Variants in ATP8A2 observed in about 807,000 individuals in gnomAD.
ATP8A2 encodes the protein phospholipid-transporting ATPase IB.
Under a neutral mutation model 165.6 loss-of-function variants are expected in ATP8A2, and 100 were observed. The ratio of observed to expected loss-of-function variants is 0.60; its 90% CI spans 0.51 to 0.71. The LOEUF (loss-of-function observed/expected upper bound fraction) is 0.71, where lower values mean the gene tolerates loss of function less well. Among genes scored for constraint, ATP8A2 ranks in the 30% least tolerant of loss-of-function variants. ATP8A2 has a pLI of 0.00. For missense variants in ATP8A2, 1,227 were observed against 1,479.5 expected (o/e 0.83, Z 2.80); for synonymous variants, 543 against 548.8 (o/e 0.99, Z 0.15).
At chr13:25,898,491 G>A (rs549038294) in intron 33 of ATP8A2, among the ~76,000 whole-genome samples, 1 of 152,350 alleles carries the variant, frequency 6.6e-6, no homozygotes, top group East Asian at 1.9e-4. Context: ...ACTTGAGGAG[G>A]CGGTCTGCCT....
chr13:25,684,748 A>T (rs2042565757), intron 24 of ATP8A2, among the ~76,000 whole-genome samples: 1 of 19,226 alleles, frequency 5.2e-5, no homozygotes, highest in African/African-American at 1.4e-4. Context: ...AAACAGAGCC[A>T]CTTCTCTTTT....
At chr13:25,874,708 C>G (rs929724341) in intron 33 of ATP8A2, among the ~76,000 whole-genome samples, 5 of 152,172 alleles carry the variant, frequency 3.3e-5, no homozygotes, top group African/African-American at 1.2e-4. Context: ...GGTTACCCCA[C>G]TTCTGGGTAT....
chr13:25,811,942 G>T (rs1248540115), intron 27 of ATP8A2, among the ~76,000 whole-genome samples: 1 of 152,134 alleles, frequency 6.6e-6, no homozygotes, highest in Non-Finnish European at 1.5e-5. Flanking sequence ...GCTAAATTTG[G>T]TTCATTTTAG....
chr13:25,637,771 G>A (rs886486381), intron 24 of ATP8A2, among the ~76,000 whole-genome samples: 1 of 152,162 alleles, frequency 6.6e-6, no homozygotes, highest in East Asian at 1.9e-4. Flanking sequence ...GGTTCTCCAG[G>A]CATGGAGTTT....
chr13:25,550,773 G>A (rs1214187822), intron 10 of ATP8A2, among the ~76,000 whole-genome samples: 3 of 152,094 alleles, frequency 2.0e-5, no homozygotes, highest in African/African-American at 7.2e-5. Flanking sequence ...TGAACTTTTT[G>A]TCCATCCACT....
rs139232399 is a variant in ATP8A2, at chr13:25,477,738, G to A, written c.221+8617G>A. 8.4e-3 allele frequency among the ~76,000 whole-genome samples: 1,275 copies of A among 152,202 alleles called. 16 individuals carry two copies. Among genetic ancestry groups the A allele is most frequent in the African/African-American group, 0.03 (1,228 of 41,520 alleles). On this transcript the variant is annotated intron_variant, in intron 2 of 36. Transcript: ENST00000381655. ...GATCACCTGAGGTCAGGAGTTCAAGGCCAGCCTGGTGAACATGGTGAAACC... is the reference window on the plus strand; with the variant it reads ...GATCACCTGAGGTCAGGAGTTCAAGACCAGCCTGGTGAACATGGTGAAACC...
chr13:25,675,081 G>A (rs180981462), intron 24 of ATP8A2, among the ~76,000 whole-genome samples: 85 of 152,234 alleles, frequency 5.6e-4, no homozygotes, highest in Non-Finnish European at 7.1e-4. Flanking sequence ...CTAAGTTTCA[G>A]TTGCTTGTCT....
At chr13:25,383,787 T>G (rs2032940852) in intron 1 of ATP8A2, among the ~76,000 whole-genome samples, 2 of 152,330 alleles carry the variant, frequency 1.3e-5, no homozygotes, top group South Asian at 2.1e-4. Flanking sequence ...TTCTCCATAG[T>G]GACCCTCTCC....
chr13:25,663,723 A>G (rs1278242593), intron 24 of ATP8A2, among the ~76,000 whole-genome samples: 3 of 152,208 alleles, frequency 2.0e-5, no homozygotes, highest in African/African-American at 7.2e-5. Flanking sequence ...ATTGTATCCC[A>G]TAGTATACAG....
At chr13:25,687,853 G>A (rs987061676) in intron 24 of ATP8A2, among the ~76,000 whole-genome samples, 9 of 152,182 alleles carry the variant, frequency 5.9e-5, no homozygotes, top group African/African-American at 2.2e-4. Flanking sequence ...AACTGGCTGG[G>A]TCCTTGTTCC....
chr13:25,495,924 A>G (rs78426428), intron 2 of ATP8A2, among the ~76,000 whole-genome samples: 1,850 of 152,236 alleles, frequency 0.012, 17 homozygotes, highest in Non-Finnish European at 0.017. Context: ...AACAAAGAGA[A>G]CAGGATTCTT....
intron 35 of ATP8A2, among the ~76,000 whole-genome samples, chr13:25,986,383 C>T (rs1434998816): frequency 1.3e-5 from 2 of 152,204 alleles, no homozygotes; most frequent in Non-Finnish European, 2.9e-5. Context: ...TTCTTGACCC[C>T]GGGTAACCAC....
At chr13:26,010,452 G>A (rs1295378259) in intron 35 of ATP8A2, among the ~76,000 whole-genome samples, 2 of 152,230 alleles carry the variant, frequency 1.3e-5, no homozygotes, top group Non-Finnish European at 2.9e-5. Context: ...TCCCCATGTG[G>A]GGCCTGGCTG....
At chr13:25,820,305 G>C (rs1010619558) in intron 27 of ATP8A2, among the ~76,000 whole-genome samples, 13 of 152,162 alleles carry the variant, frequency 8.5e-5, no homozygotes, top group Non-Finnish European at 1.6e-4. Flanking sequence ...CACTACATTT[G>C]AGGACCAAAA....
chr13:25,472,032 T>A (rs970323028), intron 2 of ATP8A2, among the ~76,000 whole-genome samples: 1 of 152,182 alleles, frequency 6.6e-6, no homozygotes, highest in Non-Finnish European at 1.5e-5. Context: ...TTTGAGTATT[T>A]GGTTCGCCTT....
intron 25 of ATP8A2, among the ~76,000 whole-genome samples, chr13:25,739,632 C>A (rs567464545): frequency 1.3e-5 from 2 of 151,834 alleles, no homozygotes; most frequent in East Asian, 3.9e-4. Flanking sequence ...ACATAAATGG[C>A]AAGGTAACCA....
intron 35 of ATP8A2, among the ~76,000 whole-genome samples, chr13:26,012,164 C>T (rs1404609769): frequency 2.0e-5 from 3 of 152,194 alleles, no homozygotes; most frequent in Non-Finnish European, 4.4e-5. Context: ...GGGCTCTCAC[C>T]CCGTGCAGGC....
intron 33 of ATP8A2, among the ~76,000 whole-genome samples, chr13:25,956,279 G>T (rs1472674213): frequency 6.6e-6 from 1 of 152,178 alleles, no homozygotes; most frequent in Non-Finnish European, 1.5e-5. Context: ...GGGCAATCAG[G>T]CAAGAGAAAG....
intron 27 of ATP8A2, among the ~76,000 whole-genome samples, chr13:25,806,209 A>G (rs1026661065): frequency 2.0e-5 from 3 of 152,168 alleles, no homozygotes; most frequent in African/African-American, 7.2e-5. Flanking sequence ...CCCTGCCGAT[A>G]AGACTTAGGA....
Sources: allele counts gnomAD v4.1 joint callset (sites outside exome capture counted in the v4.1 genomes callset), GRCh38; gene constraint gnomAD v4.1.1; transcripts MANE v1.5; gene names NCBI Gene and HGNC (gene_info 2026-07-23, HGNC 2026-07-21).